The following RBFOX1 variants were observed in gnomAD, a reference collection of about 807,000 sequenced individuals.
RBFOX1 encodes the protein RNA binding protein fox-1 homolog 1.
In RBFOX1, 8 loss-of-function variants were observed where a neutral mutation model predicts 57.7. The ratio of observed to expected loss-of-function variants is 0.14; its 90% CI spans 0.08 to 0.25. The LOEUF (loss-of-function observed/expected upper bound fraction) is 0.25. Ranked by LOEUF, RBFOX1 falls within the 10% of genes least tolerant of loss-of-function variation. The pLI, the probability that RBFOX1 is intolerant of heterozygous loss-of-function variation, is 1.00. For synonymous variants in RBFOX1, 326 were observed against 222.4 expected, an observed-to-expected ratio of 1.47 and a Z score of -4.15; for missense variants, 611 against 548.5, an observed-to-expected ratio of 1.11 and a Z score of -1.14.
At chr16:6,548,615 A>C (rs1259761720) in intron 2 of RBFOX1, among the ~76,000 whole-genome samples, 1 of 152,112 alleles carries the variant, frequency 6.6e-6, no homozygotes, top group African/African-American at 2.4e-5. Context: ...AAATAAGCTG[A>C]AGGAAAAAAG....
chr16:5,520,288 A>T (rs1281177167), intron 2 of RBFOX1, among the ~76,000 whole-genome samples: 1 of 152,210 alleles, frequency 6.6e-6, no homozygotes, highest in African/African-American at 2.4e-5. Flanking sequence ...GAAAATTTTC[A>T]TGTTCAGGTA....
chr16:7,340,528 G>C (rs913295177), intron 4 of RBFOX1, among the ~76,000 whole-genome samples: 1 of 152,122 alleles, frequency 6.6e-6, no homozygotes, highest in Admixed American at 6.5e-5. Context: ...TCTTTTTACA[G>C]ACTAGTAAGT....
intron 3 of RBFOX1, among the ~76,000 whole-genome samples, chr16:6,893,998 A>C (rs965337465): frequency 2.0e-5 from 3 of 152,154 alleles, no homozygotes; most frequent in Non-Finnish European, 4.4e-5. Context: ...AGACAGTGCT[A>C]TGATGTCTTC....
At chr16:7,150,442 A>G (rs973604681) in intron 4 of RBFOX1, among the ~76,000 whole-genome samples, 20 of 152,132 alleles carry the variant, frequency 1.3e-4, no homozygotes, top group Non-Finnish European at 2.4e-4. Context: ...ATCACACTCC[A>G]TTGTGCAATG....
At position 7,209,018 on chromosome 16, in the gene RBFOX1, G is replaced by C. The variant is rs575414238; in HGVS notation, c.27+156920G>C. Among the ~76,000 whole-genome samples the C allele has an allele frequency of 5.9e-3, 896 of 151,986 alleles. 14 individuals are homozygous for C. The highest frequency in any genetic ancestry group is 4.1e-3 in the Non-Finnish European group (277 of 68,004). On this transcript the variant is annotated intron_variant, in intron 4 of 15. Coordinates refer to ENST00000550418, the MANE Select transcript of RBFOX1 (RefSeq NM_018723.4). ...GTGTCCAAAATTTCCTTTTCAGCTG[G>C]GCACAGTGGCTTATGCCCATAATCC...
At chr16:5,261,774 T>G (rs1375564609) in intron 1 of RBFOX1, among the ~76,000 whole-genome samples, 3 of 152,104 alleles carry the variant, frequency 2.0e-5, no homozygotes, top group Non-Finnish European at 4.4e-5. Flanking sequence ...ATGGTCTCGA[T>G]CTCCTGACCT....
In RBFOX1 at chr16:7,150,628, C is replaced by G. The variant is rs887462349; in HGVS notation, c.27+98530C>G. Among the ~76,000 whole-genome samples, 13 of 152,162 alleles carry G rather than the reference C, an allele frequency of 8.5e-5. 1 individual carries two copies. The highest frequency in any genetic ancestry group is 1.7e-4 in the African/African-American group (7 of 41,430). ...TTTCTTCTCTATTGACAACTTAATT[C>G]TTTACGACTGCTGTCTCCTCCAGGA... On this transcript the variant is annotated intron_variant, in intron 4 of 15. Coordinates refer to ENST00000550418, the MANE Select transcript of RBFOX1 (RefSeq NM_018723.4).
chr16:5,923,510 C>T lies in RBFOX1; in HGVS notation c.351+56175C>T, dbSNP rs867641930. ...ACAGATTGCGAATTCAGACCTAGAT[C>T]ATCTGTCTCCAGAGCCAGGCTTTTT... On this transcript the variant is annotated intron_variant, in intron 4 of 19. Coordinates refer to the RBFOX1 transcript ENST00000641259. 2.3e-4 allele frequency among the ~76,000 whole-genome samples: 33 copies of T among 145,512 alleles called. No individual in the cohort carries two copies. In the Middle Eastern group the frequency reaches 0.011, roughly 50 times the overall value.
chr16:6,763,488 T>A (rs1199351672), intron 3 of RBFOX1, among the ~76,000 whole-genome samples: 1 of 152,188 alleles, frequency 6.6e-6, no homozygotes, highest in Non-Finnish European at 1.5e-5. Context: ...GGCAGATGTG[T>A]GATTTCTGAC....
chr16:6,663,108 C>T (rs953216882), intron 3 of RBFOX1, among the ~76,000 whole-genome samples: 1 of 152,070 alleles, frequency 6.6e-6, no homozygotes, highest in African/African-American at 2.4e-5. Flanking sequence ...TACAGGAGTA[C>T]AGGGTGGAAG....
chr16:5,826,371 C>T (rs1203920179), intron 3 of RBFOX1, among the ~76,000 whole-genome samples: 1 of 152,266 alleles, frequency 6.6e-6, no homozygotes, highest in Non-Finnish European at 1.5e-5. Flanking sequence ...CAGCTGTTTT[C>T]ATTCCACATT....
At chr16:7,596,364 T>A (rs2094702218) in intron 8 of RBFOX1, among the ~76,000 whole-genome samples, 1 of 151,650 alleles carries the variant, frequency 6.6e-6, no homozygotes, top group African/African-American at 2.4e-5. Flanking sequence ...TCATATTTGT[T>A]AATTTTTTTT....
intron 1 of RBFOX1, among the ~76,000 whole-genome samples, chr16:6,212,624 G>A (rs879678796): frequency 7.2e-5 from 11 of 151,998 alleles, no homozygotes; most frequent in East Asian, 1.9e-4. Context: ...GGAGAATGGC[G>A]TGAACCCGGG....
At position 5,642,175 on chromosome 16, in the gene RBFOX1, G is replaced by T. The variant is rs568251188; in HGVS notation, c.318+43214G>T. On this transcript the variant is annotated intron_variant, in intron 3 of 19. Transcript: ENST00000641259. ...CATGTGCTCATTGAATCAGTCTGTC[G>T]GGGAGCAGTTTTGATCCCTTCACTG... Among the ~76,000 whole-genome samples the T allele has an allele frequency of 1.1e-3, 165 of 152,252 alleles. 1 individual carries two copies. The highest frequency in any genetic ancestry group is 0.01 in the Middle Eastern group (3 of 294).
intron 3 of RBFOX1, among the ~76,000 whole-genome samples, chr16:6,746,525 A>G (rs767821496): frequency 3.3e-5 from 5 of 151,972 alleles, no homozygotes; most frequent in Admixed American, 6.6e-5. Context: ...AAAAATACAA[A>G]AAATTGCCGG....
At chr16:5,774,264 C>T (rs1180993682) in intron 3 of RBFOX1, among the ~76,000 whole-genome samples, 1 of 152,130 alleles carries the variant, frequency 6.6e-6, no homozygotes, top group Non-Finnish European at 1.5e-5. Flanking sequence ...CAGACAGAGA[C>T]CCACAGACCA....
At chr16:5,389,558 A>C (rs1012809190) in intron 1 of RBFOX1, among the ~76,000 whole-genome samples, 1 of 151,876 alleles carries the variant, frequency 6.6e-6, no homozygotes, top group Admixed American at 6.6e-5. Context: ...TAACCACTCA[A>C]TCATTGGGGG....
intron 3 of RBFOX1, among the ~76,000 whole-genome samples, chr16:7,005,259 C>A (rs560640259): frequency 6.6e-6 from 1 of 152,130 alleles, no homozygotes; most frequent in African/African-American, 2.4e-5. Flanking sequence ...TTCCCCTTAC[C>A]TTTCAAGAGA....
At chr16:6,743,526 G>C (rs887176346) in intron 3 of RBFOX1, among the ~76,000 whole-genome samples, 9 of 152,104 alleles carry the variant, frequency 5.9e-5, no homozygotes, top group Non-Finnish European at 1.0e-4. Context: ...AGGATGCCTT[G>C]AGCCCAGGAG....
Sources: allele counts gnomAD v4.1 joint callset (sites outside exome capture counted in the v4.1 genomes callset), GRCh38; gene constraint gnomAD v4.1.1; transcripts MANE v1.5; gene names NCBI Gene and HGNC (gene_info 2026-07-23, HGNC 2026-07-21).